Variants in ZFP62 observed in about 807,000 individuals in gnomAD.
The protein encoded by ZFP62 is ZFP62 zinc finger protein.
ZFP62 carries 44 observed loss-of-function variants against 56.4 expected under a neutral mutation model. That is an observed-to-expected ratio of 0.78 (90% CI 0.61 to 1.00). ZFP62 has a LOEUF of 1.00. Among genes scored for constraint, ZFP62 ranks in the 50% least tolerant of loss-of-function variants. The pLI is 0.00. For missense variants in ZFP62, 1,030 were observed against 1,085.7 expected, an observed-to-expected ratio of 0.95 and a Z score of 0.72; for synonymous variants, 421 against 388.9, an observed-to-expected ratio of 1.08 and a Z score of -0.97.
intron 1 of ZFP62, among the ~76,000 whole-genome samples, chr5:180,852,969 ACT>A (rs1337023734): frequency 6.6e-6 from 1 of 152,214 alleles, no homozygotes; most frequent in African/African-American, 2.4e-5. Flanking sequence ...GGAAACAGGC[ACT>A]CTCATACACT....
At chr5:180,854,681 A>G (rs1033088834) in intron 1 of ZFP62, among the ~76,000 whole-genome samples, 1 of 152,214 alleles carries the variant, frequency 6.6e-6, no homozygotes, top group African/African-American at 2.4e-5. Context: ...TGCTTTTAGT[A>G]GGGAGAAGGA....
At chr5:180,845,523 T>C (rs1196760163), downstream of ZFP62, among the ~76,000 whole-genome samples, 2 of 152,092 alleles carry the variant, frequency 1.3e-5, no homozygotes, top group Non-Finnish European at 1.5e-5. Flanking sequence ...CTTCGCACAA[T>C]GACACTATCC....
chr5:180,850,347 T>C lies in ZFP62; in HGVS notation c.1148A>G (p.His383Arg). 1 of 1,570,264 alleles carries C rather than the reference T, an allele frequency of 6.4e-7. No homozygotes were observed. ...TTTCTCTCCTGTGTGGATCCTTTTA[T>C]GCACTATGAGGCCTGAGCTGTTCCT... The part of the protein sequence containing the change: ...AFRNSSGLIV[H>R]KRIHTGEKPY... Residue 383 changes from histidine to arginine, a missense_variant, in exon 2 of 2, where the codon CAT (histidine) becomes CGT (arginine). By Grantham distance (29) the His-to-Arg change is conservative (BLOSUM62 0). Coordinates refer to ENST00000502412, the MANE Select transcript of ZFP62 (RefSeq NM_001172638.2).
chr5:180,842,523 G>T, the ZFP62 span, among the ~76,000 whole-genome samples: 1 of 152,196 alleles, frequency 6.6e-6, no homozygotes, highest in Non-Finnish European at 1.5e-5. Context: ...AGCCAGAGTG[G>T]AAATCACACT....
the ZFP62 span, among the ~76,000 whole-genome samples, chr5:180,827,852 G>T: frequency 6.6e-6 from 1 of 152,250 alleles, no homozygotes; most frequent in African/African-American, 2.4e-5. Flanking sequence ...CCTTAGGGCT[G>T]GAGGTGGGAC....
the ZFP62 span, among the ~76,000 whole-genome samples, chr5:180,832,112 A>C: frequency 6.6e-6 from 1 of 150,926 alleles, no homozygotes; most frequent in African/African-American, 2.4e-5. Context: ...AAAAAACACA[A>C]CTCTTGCTGG....
chr5:180,849,591 T>G lies in ZFP62; in HGVS notation c.1904A>C (p.His635Pro). 6.4e-7 allele frequency: 1 copy of G among 1,552,106 alleles called. No homozygotes were observed. ...TTTCTCTCTAGTGTGGACCCTTCTGTGCTGAGAAAGGAGCGATGTGTAATT... is the reference window on the plus strand; with the variant it reads ...TTTCTCTCTAGTGTGGACCCTTCTGGGCTGAGAAAGGAGCGATGTGTAATT... ...SFNYTSLLSQ[H>P]RRVHTREKPY... Residue 635 changes from histidine (H) to proline (P), a missense_variant, in exon 2 of 2, where the codon CAC (histidine) becomes CCC (proline). Coordinates refer to ENST00000502412, the MANE Select transcript of ZFP62 (RefSeq NM_001172638.2).
At chr5:180,835,645 C>T in the ZFP62 span, 5 of 152,144 alleles carry the variant, frequency 3.3e-5, no homozygotes, top group African/African-American at 9.7e-5. Context: ...ACATGCAAAC[C>T]ATCCGAAATG....
At chr5:180,834,544 G>A in the ZFP62 span, 2 of 152,264 alleles carry the variant, frequency 1.3e-5, no homozygotes, top group Non-Finnish European at 2.9e-5. Context: ...GAAAGCGGGT[G>A]GACCCTCATC....
In ZFP62 at chr5:180,848,831, C is replaced by A. The variant is rs1161088217; in HGVS notation, c.2664G>T (p.Gly888=). The change falls in exon 2 of 2, where the codon GGG becomes GGT. Residue 888 remains glycine, a synonymous_variant. Transcript: ENST00000502412. ...TCATCCTGCCCCCATCCAGGGCATTCCCTCCCTCATAGGTTCTCTTCTGGG... is the reference window on the plus strand; with the variant it reads ...TCATCCTGCCCCCATCCAGGGCATTACCTCCCTCATAGGTTCTCTTCTGGG... The part of the protein sequence containing the change: ...GTSQKRTYEG[G]NALDGGRMRM... 6.5e-7 allele frequency: 1 copy of A among 1,544,814 alleles called. No individual in the cohort carries two copies. Among genetic ancestry groups the A allele is most frequent in the African/African-American group, 1.4e-5 (1 of 72,854 alleles).
At chr5:180,853,008 C>A (rs1773791527) in intron 1 of ZFP62, among the ~76,000 whole-genome samples, 1 of 152,210 alleles carries the variant, frequency 6.6e-6, no homozygotes, top group African/African-American at 2.4e-5. Context: ...GGCACAGCCC[C>A]TTTTAAGGGG....
chr5:180,861,081 G>C (rs1774291977), intron 1 of ZFP62, 138 bp downstream of exon 1: 1 of 396,994 alleles, frequency 2.5e-6, no homozygotes, highest in African/African-American at 2.1e-5. Context: ...CACCCACTGA[G>C]ACATGTGCGG....
At chr5:180,833,223 G>A in the ZFP62 span, among the ~76,000 whole-genome samples, 1 of 152,124 alleles carries the variant, frequency 6.6e-6, no homozygotes, top group African/African-American at 2.4e-5. Context: ...GCTCACACCT[G>A]TAATCCCAGC....
rs1452168468 is a variant in ZFP62 at position 180,850,701 on chromosome 5, C to T, written c.794G>A (p.Ser265Asn). 1 of 1,603,686 alleles carries T rather than the reference C, an allele frequency of 6.2e-7. No individual in the cohort carries two copies. Among genetic ancestry groups the T allele is most frequent in the Admixed American group, 1.7e-5 (1 of 58,016 alleles). Residue 265 changes from serine to asparagine, a missense_variant, in exon 2 of 2, where the codon AGC becomes AAC. By Grantham distance (46) the Ser-to-Asn change is conservative. Transcript: ENST00000502412. The part of the protein sequence containing the change: ...CGECGKAFRN[S>N]SGLRVHKRIH... Reference sequence around the variant, plus strand: ...CCTTTTGTGGACTCTGAGCCCAGAGCTGTTCCTGAAGGCCTTCCCACACTC... The same window carrying T: ...CCTTTTGTGGACTCTGAGCCCAGAGTTGTTCCTGAAGGCCTTCCCACACTC...
rs1423168612 is a variant in ZFP62, at chr5:180,850,973, A to G, written c.522T>C (p.Cys174=). ...TCGAGCTGCTCCGGAAAGTCCCTCCACAGTCATCACATTCATAGCGCTTTT... is the reference window on the plus strand; with the variant it reads ...TCGAGCTGCTCCGGAAAGTCCCTCCGCAGTCATCACATTCATAGCGCTTTT... ...TGEKRYECDD[C]GGTFRSSSSL... is the part of the protein sequence containing the mutation. The change falls in exon 2 of 2, where the codon TGT becomes TGC. Residue 174 remains cysteine, a synonymous_variant. Coordinates refer to ENST00000502412, the MANE Select transcript of ZFP62 (RefSeq NM_001172638.2). The G allele has an allele frequency of 6.4e-7, 1 of 1,552,890 alleles. No homozygotes were observed.
the ZFP62 span, chr5:180,831,210 C>T: frequency 6.5e-6 from 1 of 154,450 alleles, no homozygotes; most frequent in Non-Finnish European, 1.4e-5. Context: ...GCCTCGGGGA[C>T]CTTTGCGGGG....
chr5:180,841,274 TATATAC>T, the ZFP62 span, among the ~76,000 whole-genome samples: 1 of 149,142 alleles, frequency 6.7e-6, no homozygotes, highest in African/African-American at 2.5e-5. Flanking sequence ...CACACATATA[TATATAC>T]ATACATATAT....
At chr5:180,829,649 A>G in the ZFP62 span, among the ~76,000 whole-genome samples, 1 of 152,260 alleles carries the variant, frequency 6.6e-6, no homozygotes, top group African/African-American at 2.4e-5. Context: ...TCTGAAAAAT[A>G]AGTTTCTCTG....
chr5:180,855,118 A>T lies in ZFP62; in HGVS notation c.2-3625T>A, dbSNP rs1432078210. On this transcript the variant is annotated intron_variant, in intron 1 of 1. Transcript: ENST00000502412. ...AGGGCCATGATGTATATAATTACCT[A>T]CAAATGGTTTAGAAAAATACTTGCA... Among the ~76,000 whole-genome samples, 4 of 152,246 alleles carry T rather than the reference A, an allele frequency of 2.6e-5. No homozygotes were observed. In the East Asian group the frequency reaches 7.7e-4, roughly 29 times the overall value.
Sources: gnomAD v4.1 joint callset for allele counts (sites outside exome capture counted in the v4.1 genomes callset) on GRCh38, gnomAD v4.1.1 for gene constraint, MANE v1.5 for transcripts, NCBI Gene and HGNC (gene_info 2026-07-23, HGNC 2026-07-21) for gene names.